The following MGAT5B variants were observed in gnomAD, a reference collection of about 807,000 sequenced individuals.
MGAT5B encodes alpha-1,6-mannosylglycoprotein 6-beta-N-acetylglucosaminyltransferase B, also known as N-acetylglucosaminyl-transferase Vb.
In MGAT5B, 54 loss-of-function variants were observed where a neutral mutation model predicts 95.1. The ratio of observed to expected loss-of-function variants is 0.57; its 90% CI spans 0.46 to 0.71. MGAT5B has a LOEUF of 0.71. Ranked by LOEUF, MGAT5B falls within the 30% of genes least tolerant of loss-of-function variation. The pLI is 0.00. For missense variants in MGAT5B, 935 were observed against 1,088.6 expected (o/e 0.86, Z 1.99); for synonymous variants, 464 against 451.0 (o/e 1.03, Z -0.36).
rs1970084553 is a variant in MGAT5B at position 76,947,929 on chromosome 17, A to G, written c.2023A>G (p.Asn675Asp). The G allele has an allele frequency of 2.5e-6, 4 of 1,613,274 alleles. No individual in the cohort carries two copies. The East Asian group carries it at 8.9e-5, about 36-fold the overall frequency. ...PNATHLEWAR[N>D]TSLAPGAWPP... Reference sequence around the variant, plus strand: ...TGCCACCCACCTCGAGTGGGCTCGGAACACCAGCTTGGCTCCTGGGGCCTG... The same window carrying G: ...TGCCACCCACCTCGAGTGGGCTCGGGACACCAGCTTGGCTCCTGGGGCCTG... The change falls in exon 17 of 18, where the codon AAC (asparagine) becomes GAC (aspartate). Residue 675 changes from asparagine (N) to aspartate (D), a missense_variant. Transcript: ENST00000569840.
intron 8 of MGAT5B, among the ~76,000 whole-genome samples, chr17:76,913,265 T>C (rs1290073270): frequency 1.3e-5 from 2 of 152,212 alleles, no homozygotes; most frequent in Non-Finnish European, 2.9e-5. Flanking sequence ...CAATCCACTG[T>C]GACCAGCTGA....
chr17:76,935,396 A>T (rs1255284683), intron 12 of MGAT5B, among the ~76,000 whole-genome samples: 1 of 152,256 alleles, frequency 6.6e-6, no homozygotes, highest in African/African-American at 2.4e-5. Flanking sequence ...ATGGCTGGTT[A>T]ATACTGTAGA....
chr17:76,904,188 G>T (rs929981358), intron 5 of MGAT5B, 64 bp from the exon 6 acceptor site: 17 of 1,503,952 alleles, frequency 1.1e-5, no homozygotes, highest in African/African-American at 1.4e-5. Context: ...GTGCACGTGC[G>T]GGGGAGTCCC....
At chr17:76,900,927 G>A (rs997457219) in intron 3 of MGAT5B, among the ~76,000 whole-genome samples, 129 of 147,294 alleles carry the variant, frequency 8.8e-4, no homozygotes, top group Admixed American at 4.5e-3. Flanking sequence ...GTACATGTGT[G>A]CGTGCGTGTT....
intron 5 of MGAT5B, among the ~76,000 whole-genome samples, chr17:76,903,751 C>T (rs1207486194): frequency 1.3e-5 from 2 of 152,212 alleles, no homozygotes; most frequent in Non-Finnish European, 2.9e-5. Context: ...AGGAGTCGTC[C>T]ACAGCCGTGA....
rs554241683 is a variant in MGAT5B, at chr17:76,915,088, G to C, written c.1025+8901G>C. Among the ~76,000 whole-genome samples the C allele has an allele frequency of 6.6e-6, 1 of 152,182 alleles. No homozygotes were observed. The highest frequency in any genetic ancestry group is 3.2e-3 in the Middle Eastern group (1 of 316). On this transcript the variant is annotated intron_variant, in intron 8 of 17. Transcript: ENST00000569840. This position sits in a 1 kb window ranked among gnomAD's most constrained non-coding sequence, Gnocchi z 8.7. ...GATTAGGACTTCACCCTCCTTCAGC[G>C]GCCACAGTTCAGCCCACGATCAAAG...
chr17:76,914,542 C>T lies in MGAT5B; in HGVS notation c.1025+8355C>T, dbSNP rs943485841. Reference sequence around the variant, plus strand: ...TCAGTCCCAGCCTCTCCCCTGTCTTCTGGTAGCCGCAGGTGTTCTTAGAGG... The same window carrying T: ...TCAGTCCCAGCCTCTCCCCTGTCTTTTGGTAGCCGCAGGTGTTCTTAGAGG... On this transcript the variant is annotated intron_variant, in intron 8 of 17. Coordinates refer to ENST00000569840, the MANE Select transcript of MGAT5B (RefSeq NM_001199172.2). The surrounding 1 kb of genome is among the most constrained non-coding windows in gnomAD (Gnocchi z 5.1). 6.6e-6 allele frequency among the ~76,000 whole-genome samples: 1 copy of T among 152,300 alleles called. No homozygotes were observed. The highest frequency in any genetic ancestry group is 2.4e-5 in the African/African-American group (1 of 41,570).
chr17:76,927,212 C>T (rs927254014), intron 10 of MGAT5B, among the ~76,000 whole-genome samples: 7 of 151,848 alleles, frequency 4.6e-5, no homozygotes, highest in East Asian at 3.9e-4. Context: ...AGGCAAGGAA[C>T]GTGAGTGGAG....
At chr17:76,901,607 T>C (rs1968318146) in intron 3 of MGAT5B, among the ~76,000 whole-genome samples, 1 of 152,096 alleles carries the variant, frequency 6.6e-6, no homozygotes, top group African/African-American at 2.4e-5. Flanking sequence ...GCAACACTGG[T>C]ATCGATGGTG....
At chr17:76,900,944 T>C (rs1015444647) in intron 3 of MGAT5B, among the ~76,000 whole-genome samples, 27 of 145,260 alleles carry the variant, frequency 1.9e-4, no homozygotes, top group Non-Finnish European at 1.1e-4. Flanking sequence ...TGTTTGTGTG[T>C]GAGTGTGTGC....
rs1568167206 is a variant in MGAT5B at position 76,884,445 on chromosome 17, T to TTTA, written c.329+2149_329+2150insATT. Among the ~76,000 whole-genome samples, 990 of 151,790 alleles carry TTTA rather than the reference T, an allele frequency of 6.5e-3. 12 individuals are homozygous for TTTA. Among genetic ancestry groups the TTTA allele is most frequent in the African/African-American group, 0.021 (885 of 41,218 alleles). Reference sequence around the variant, plus strand: ...GTTTTATTTATTTATTTATTTATTTTTTTGAGATGGAGGCTTGCTCTGTTG... The same window carrying TTTA: ...GTTTTATTTATTTATTTATTTATTTTTTATTTGAGATGGAGGCTTGCTCTGTTG... On this transcript the variant is annotated intron_variant, in intron 3 of 17. Coordinates refer to ENST00000569840, the MANE Select transcript of MGAT5B (RefSeq NM_001199172.2).
In MGAT5B at chr17:76,947,961, C is replaced by T. The variant is rs556313802; in HGVS notation, c.2055C>T (p.Pro685=). The change falls in exon 17 of 18, where the codon CCC becomes CCT. Residue 685 remains proline, a synonymous_variant. Coordinates refer to ENST00000569840, the MANE Select transcript of MGAT5B (RefSeq NM_001199172.2). ...GCTTGGCTCCTGGGGCCTGGCCCCC[C>T]GCGCACGCCCTGCGGGCCTGGCTGG... The part of the protein sequence containing the change: ...NTSLAPGAWP[P]AHALRAWLAV... The T allele has an allele frequency of 2.0e-5, 33 of 1,612,278 alleles. No homozygotes were observed. The highest frequency in any genetic ancestry group is 6.7e-5 in the East Asian group (3 of 44,814).
intron 12 of MGAT5B, among the ~76,000 whole-genome samples, chr17:76,937,302 G>A (rs1035950691): frequency 1.3e-5 from 2 of 152,274 alleles, no homozygotes; most frequent in East Asian, 1.9e-4. Flanking sequence ...GTGAAAGAAG[G>A]GATGGGCAGA....
rs371978325 is a variant in MGAT5B, at chr17:76,940,360, C to T, written c.1585-42C>T. The stretch of plus-strand genomic sequence containing the variant: ...CATCCTGGTGCTTACTGGGCTGTGG[C>T]GGCCCAGCCCTCCCTGATCACTGCG... On this transcript the variant is annotated intron_variant, in intron 13 of 17. Transcript: ENST00000569840. The surrounding 1 kb of genome is among the most constrained non-coding windows in gnomAD (Gnocchi z 4.3). 8.2e-5 allele frequency: 125 copies of T among 1,527,820 alleles called. No individual in the cohort carries two copies. Among genetic ancestry groups the T allele is most frequent in the East Asian group, 7.6e-4 (33 of 43,292 alleles). 94.6% of individuals were successfully genotyped at this position (1,527,820 alleles called of 1,614,324 possible).
At chr17:76,947,093 C>T (rs1281383056) in intron 16 of MGAT5B, among the ~76,000 whole-genome samples, 1 of 152,206 alleles carries the variant, frequency 6.6e-6, no homozygotes, top group Non-Finnish European at 1.5e-5. Flanking sequence ...GCAGGTGGCC[C>T]AGATGGAGCG....
In MGAT5B at chr17:76,940,372, C is replaced by T. The variant is rs200622693; in HGVS notation, c.1585-30C>T. On this transcript the variant is annotated intron_variant, in intron 13 of 17. Transcript: ENST00000569840. This position sits in a 1 kb window ranked among gnomAD's most constrained non-coding sequence, Gnocchi z 4.3. Reference sequence around the variant, plus strand: ...TACTGGGCTGTGGCGGCCCAGCCCTCCCTGATCACTGCGCCCCTTGACTCT... The same window carrying T: ...TACTGGGCTGTGGCGGCCCAGCCCTTCCTGATCACTGCGCCCCTTGACTCT... 2.7e-4 allele frequency: 420 copies of T among 1,557,124 alleles called. 1 individual carries two copies. The highest frequency in any genetic ancestry group is 1.2e-3 in the Middle Eastern group (7 of 5,844).
In MGAT5B at chr17:76,949,081, C is replaced by T. The variant is rs1043410387; in HGVS notation, c.*243C>T. ...CTCTCCTGGGGACTCACAGAAGCATCGTGGCCAAGCAGGTGTCGGACTGCT... is the reference window on the plus strand; with the variant it reads ...CTCTCCTGGGGACTCACAGAAGCATTGTGGCCAAGCAGGTGTCGGACTGCT... On this transcript the variant is annotated 3_prime_UTR_variant, in exon 18 of 18. Transcript: ENST00000569840. 2.1e-5 allele frequency: 12 copies of T among 570,456 alleles called. No individual in the cohort carries two copies. The highest frequency in any genetic ancestry group is 2.1e-4 in the African/African-American group (11 of 53,382). 35.3% of individuals were successfully genotyped at this position (570,456 alleles called of 1,614,324 possible). A position where few individuals can be genotyped will look rare whatever the true frequency, so the allele number is the denominator to read the frequency against.
chr17:76,938,245 A>T lies in MGAT5B; in HGVS notation c.1584+102A>T. 1 of 1,445,226 alleles carries T rather than the reference A, an allele frequency of 6.9e-7. No homozygotes were observed. The highest frequency in any genetic ancestry group is 9.5e-7 in the Non-Finnish European group (1 of 1,055,638). 89.5% of individuals were successfully genotyped at this position (1,445,226 alleles called of 1,614,324 possible). A position where few individuals can be genotyped will look rare whatever the true frequency, so the allele number is the denominator to read the frequency against. Reference sequence around the variant, plus strand: ...CCACTCAGGCCCCTTCCACATATGGACATACCCCAGCATGCTCTGCTGCCC... The same window carrying T: ...CCACTCAGGCCCCTTCCACATATGGTCATACCCCAGCATGCTCTGCTGCCC... On this transcript the variant is annotated intron_variant, in intron 13 of 17. Coordinates refer to ENST00000569840, the MANE Select transcript of MGAT5B (RefSeq NM_001199172.2). The surrounding 1 kb of genome is among the most constrained non-coding windows in gnomAD (Gnocchi z 4.3).
intron 17 of MGAT5B, among the ~76,000 whole-genome samples, chr17:76,948,296 C>A (rs538652956): frequency 6.6e-6 from 1 of 152,290 alleles, no homozygotes; most frequent in East Asian, 1.9e-4. Context: ...CCTAAACTAC[C>A]AGGGAAAGCT....
Sources: allele counts gnomAD v4.1 joint callset (sites outside exome capture counted in the v4.1 genomes callset), GRCh38; gene constraint gnomAD v4.1.1; non-coding constraint Gnocchi (gnomAD v3.1); transcripts MANE v1.5; gene names NCBI Gene and HGNC (gene_info 2026-07-23, HGNC 2026-07-21).